Variants in ZDHHC14 observed in about 807,000 individuals in gnomAD.
The protein encoded by ZDHHC14 is zDHHC palmitoyltransferase 14, also known as palmitoyltransferase ZDHHC14.
Under a neutral mutation model 47.7 loss-of-function variants are expected in ZDHHC14, and 16 were observed. The observed-to-expected ratio is 0.34, with a 90% CI of 0.23 to 0.51. The LOEUF (loss-of-function observed/expected upper bound fraction) is 0.51, where lower values mean the gene tolerates loss of function less well. Ranked by LOEUF, ZDHHC14 falls within the 20% of genes least tolerant of loss-of-function variation. ZDHHC14 has a pLI of 0.97. For synonymous variants in ZDHHC14, 293 were observed against 278.9 expected, an observed-to-expected ratio of 1.05 and a Z score of -0.50; for missense variants, 515 against 662.5, an observed-to-expected ratio of 0.78 and a Z score of 2.44.
intron 1 of ZDHHC14, among the ~76,000 whole-genome samples, chr6:157,409,889 C>T (rs780546649): frequency 1.3e-4 from 20 of 151,832 alleles, no homozygotes; most frequent in African/African-American, 1.9e-4. Flanking sequence ...AGTGCAGTGG[C>T]GCGATCTCGG....
intron 1 of ZDHHC14, among the ~76,000 whole-genome samples, chr6:157,515,229 G>C (rs1266589346): frequency 1.3e-5 from 2 of 152,054 alleles, no homozygotes; most frequent in African/African-American, 4.8e-5. Context: ...GTGACCAGAA[G>C]GTTCCTGCCT....
At chr6:157,592,664 C>A in intron 2 of ZDHHC14, 1 of 912,180 alleles carries the variant, frequency 1.1e-6, no homozygotes, top group Non-Finnish European at 1.4e-6. Flanking sequence ...TGGCCTGGGG[C>A]CTCTCCTGCC....
intron 2 of ZDHHC14, among the ~76,000 whole-genome samples, chr6:157,565,302 G>A (rs961959569): frequency 7.9e-5 from 12 of 152,210 alleles, no homozygotes; most frequent in Admixed American, 1.3e-4. Flanking sequence ...GAGAGGTGTT[G>A]AGATTTTTCG....
chr6:157,662,514 A>G (rs925810174), intron 8 of ZDHHC14, among the ~76,000 whole-genome samples: 1 of 152,262 alleles, frequency 6.6e-6, no homozygotes, highest in Non-Finnish European at 1.5e-5. Context: ...AGTTGAATGT[A>G]TGTGCAAATT....
chr6:157,558,878 C>A (rs536995698), intron 2 of ZDHHC14, among the ~76,000 whole-genome samples: 1 of 152,188 alleles, frequency 6.6e-6, no homozygotes, highest in Admixed American at 6.5e-5. Flanking sequence ...AGGGGAGAAG[C>A]ATCTGGAAGC....
At chr6:157,592,925 G>C (rs1455239885) in intron 2 of ZDHHC14, 63 bp from the exon 3 acceptor site, 1 of 1,526,996 alleles carries the variant, frequency 6.5e-7, no homozygotes, top group Admixed American at 2.2e-5. Context: ...CCAGGCGGAC[G>C]GGTCCCGCCG....
chr6:157,398,464 C>T (rs1228027509), intron 1 of ZDHHC14, among the ~76,000 whole-genome samples: 1 of 152,022 alleles, frequency 6.6e-6, no homozygotes, highest in Non-Finnish European at 1.5e-5. Flanking sequence ...CCTTCATTTG[C>T]GGGGAGGAAA....
intron 1 of ZDHHC14, among the ~76,000 whole-genome samples, chr6:157,396,366 G>T (rs1387356946): frequency 6.6e-6 from 1 of 152,092 alleles, no homozygotes; most frequent in Admixed American, 6.6e-5. Context: ...CATCTTGAAT[G>T]CTCCTATTTT....
chr6:157,601,531 T>TAGG (rs1784335924), intron 3 of ZDHHC14, among the ~76,000 whole-genome samples: 1 of 152,198 alleles, frequency 6.6e-6, no homozygotes, highest in Non-Finnish European at 1.5e-5. Flanking sequence ...ATGTATCAGT[T>TAGG]AGGAATTGTA....
At chr6:157,649,598 C>A (rs911200474) in intron 7 of ZDHHC14, among the ~76,000 whole-genome samples, 7 of 152,250 alleles carry the variant, frequency 4.6e-5, no homozygotes, top group African/African-American at 1.7e-4. Context: ...CCCCTGGGCC[C>A]AGACCCCTGT....
chr6:157,476,893 A>G lies in ZDHHC14; in HGVS notation c.246-65692A>G, dbSNP rs183867447. ...TCTCAACAAATTAGGTGTAGAAGGA[A>G]TGTACCTCAACACAGTAAAGGTCAT... is the stretch of plus-strand genomic sequence containing the variant. On this transcript the variant is annotated intron_variant, in intron 1 of 8. Coordinates refer to ENST00000359775, the MANE Select transcript of ZDHHC14 (RefSeq NM_024630.3). Among the ~76,000 whole-genome samples the G allele has an allele frequency of 2.3e-3, 351 of 152,314 alleles. 1 individual carries two copies. The highest frequency in any genetic ancestry group is 7.8e-3 in the African/African-American group (325 of 41,568).
intron 1 of ZDHHC14, among the ~76,000 whole-genome samples, chr6:157,473,992 T>C (rs1269146807): frequency 2.7e-5 from 4 of 149,126 alleles, no homozygotes; most frequent in Admixed American, 6.7e-5. Context: ...TCTTTTCTTT[T>C]TTTTTTTTTT....
chr6:157,426,114 C>G (rs991089380), intron 1 of ZDHHC14, among the ~76,000 whole-genome samples: 3 of 152,132 alleles, frequency 2.0e-5, no homozygotes. Flanking sequence ...GGTGGAAGGT[C>G]TAAAGGAGGC....
intron 1 of ZDHHC14, among the ~76,000 whole-genome samples, chr6:157,389,057 T>TA (rs1217073976): frequency 6.6e-6 from 1 of 152,118 alleles, no homozygotes; most frequent in Non-Finnish European, 1.5e-5. Flanking sequence ...TGTAGTCTTT[T>TA]AAAAAATGCT....
At chr6:157,507,877 C>T (rs1296053617) in intron 1 of ZDHHC14, among the ~76,000 whole-genome samples, 1 of 152,150 alleles carries the variant, frequency 6.6e-6, no homozygotes, top group Non-Finnish European at 1.5e-5. Flanking sequence ...TGGAAAACAC[C>T]CTGTGACATC....
intron 1 of ZDHHC14, among the ~76,000 whole-genome samples, chr6:157,479,402 T>C (rs1028773742): frequency 1.3e-5 from 2 of 152,244 alleles, no homozygotes; most frequent in Non-Finnish European, 2.9e-5. Context: ...TTTGGGATAT[T>C]GATTTCTGAC....
At chr6:157,550,486 G>A (rs34234008) in intron 2 of ZDHHC14, among the ~76,000 whole-genome samples, 55,648 of 146,782 alleles carry the variant, frequency 0.38, 10,522 homozygotes, top group Admixed American at 0.43. Flanking sequence ...AGACCACAGC[G>A]TCACACAGGC....
intron 1 of ZDHHC14, among the ~76,000 whole-genome samples, chr6:157,477,935 C>CAT (rs1779531899): frequency 2.0e-5 from 3 of 152,256 alleles, no homozygotes; most frequent in African/African-American, 7.2e-5. Flanking sequence ...TTTCTTTTGA[C>CAT]ATAGGTAAGT....
Position 157,653,577 on chromosome 6 carries a change from C to A in ZDHHC14, c.1018C>A (p.Pro340Thr), listed in dbSNP as rs1311600237. The A allele has an allele frequency of 6.2e-7, 1 of 1,613,998 alleles. No homozygotes were observed. The highest frequency in any genetic ancestry group is 1.3e-5 in the African/African-American group (1 of 75,030). The stretch of plus-strand genomic sequence containing the variant: ...GCCCGACACGCCGCAGCCAGCAGCA[C>A]CCTCCAATGGCATCACCATGTACGG... The part of the protein sequence containing the change: ...IQPDTPQPAA[P>T]SNGITMYGAT... The change falls in exon 8 of 9, where the codon CCC becomes ACC. Residue 340 changes from proline (P) to threonine (T), a missense_variant. This residue lies in a region of ZDHHC14 where 221 missense variants were observed against 233.6 expected (regional missense o/e 0.95). Transcript: ENST00000359775.
Sources: allele counts gnomAD v4.1 joint callset (sites outside exome capture counted in the v4.1 genomes callset), GRCh38; gene constraint gnomAD v4.1.1; regional missense constraint gnomAD v4.1.1; transcripts MANE v1.5; gene names NCBI Gene and HGNC (gene_info 2026-07-23, HGNC 2026-07-21).